Variants in RTN1 observed in about 807,000 individuals in gnomAD.
RTN1 encodes reticulon 1.
A neutral mutation model predicts 65.5 loss-of-function variants in RTN1; 25 were observed. The observed-to-expected ratio is 0.38, with a 90% confidence interval of 0.28 to 0.53. RTN1 has a LOEUF of 0.53. RTN1 is among the 20% of genes least tolerant of loss of function. RTN1 has a pLI of 0.79. For synonymous variants in RTN1, 471 were observed against 447.6 expected, an observed-to-expected ratio of 1.05 and a Z score of -0.66; for missense variants, 983 against 1,025.4, an observed-to-expected ratio of 0.96 and a Z score of 0.57.
At chr14:59,670,563 T>C (rs1038572596) in intron 3 of RTN1, among the ~76,000 whole-genome samples, 7 of 152,212 alleles carry the variant, frequency 4.6e-5, no homozygotes, top group Non-Finnish European at 1.0e-4. Flanking sequence ...GACCTAAATA[T>C]ATTCAGAAAA....
intron 1 of RTN1, among the ~76,000 whole-genome samples, chr14:59,789,243 T>C (rs1449654748): frequency 6.6e-6 from 1 of 152,120 alleles, no homozygotes; most frequent in Non-Finnish European, 1.5e-5. Flanking sequence ...TTCTTTGGTC[T>C]AAGTACATTT....
intron 1 of RTN1, among the ~76,000 whole-genome samples, chr14:59,787,840 G>A (rs1023592728): frequency 4.6e-5 from 7 of 152,066 alleles, no homozygotes; most frequent in East Asian, 1.9e-4. Context: ...TCTCCCTTCC[G>A]AGTCCCCATC....
At chr14:59,851,283 A>G (rs1887501883) in intron 1 of RTN1, among the ~76,000 whole-genome samples, 1 of 152,196 alleles carries the variant, frequency 6.6e-6, no homozygotes, top group Non-Finnish European at 1.5e-5. Context: ...TTAAAGGTTG[A>G]CCTTGATGTC....
At chr14:59,749,851 A>G (rs1220226768) in intron 1 of RTN1, among the ~76,000 whole-genome samples, 1 of 114,426 alleles carries the variant, frequency 8.7e-6, no homozygotes, top group East Asian at 2.2e-4. Flanking sequence ...ATTTATATAT[A>G]TATCTATATG....
chr14:59,817,643 TA>T (rs888948332), intron 1 of RTN1, among the ~76,000 whole-genome samples: 4 of 151,708 alleles, frequency 2.6e-5, no homozygotes, highest in Non-Finnish European at 4.4e-5. Context: ...TTTTTTTTTT[TA>T]AGAAAGATTT....
chr14:59,746,162 G>A lies in RTN1; in HGVS notation c.561C>T (p.Asp187=), dbSNP rs756250696. The A allele has an allele frequency of 8.1e-6, 13 of 1,606,570 alleles. No homozygotes were observed. Among genetic ancestry groups the A allele is most frequent in the South Asian group, 5.6e-5 (5 of 89,530 alleles). Reference sequence around the variant, plus strand: ...ATTTATAGGCCTCTGCTTTCATCTGGTCCAGAGGGTCTGCTAAGATCTTGT... The same window carrying A: ...ATTTATAGGCCTCTGCTTTCATCTGATCCAGAGGGTCTGCTAAGATCTTGT... ...EVNKILADPL[D]QMKAEAYKYI... Residue 187 remains aspartate, a synonymous_variant, in exon 2 of 9, where the codon GAC becomes GAT. Transcript: ENST00000267484.
At chr14:59,815,724 G>C (rs1886808478) in intron 1 of RTN1, among the ~76,000 whole-genome samples, 1 of 152,088 alleles carries the variant, frequency 6.6e-6, no homozygotes, top group African/African-American at 2.4e-5. Context: ...TGTCCTGTTG[G>C]AGAACTGATT....
chr14:59,604,705 C>G (rs1238496041), intron 5 of RTN1: 1 of 152,254 alleles, frequency 6.6e-6, no homozygotes, highest in Non-Finnish European at 1.5e-5. Flanking sequence ...TGTGAGAGCA[C>G]AGAAACTTCA....
Position 59,759,557 on chromosome 14 carries a change from C to T in RTN1, c.242-13076G>A, listed in dbSNP as rs538119279. On this transcript the variant is annotated intron_variant, in intron 1 of 8. Coordinates refer to ENST00000267484, the MANE Select transcript of RTN1 (RefSeq NM_021136.3). ...TGAACCCCCAAATATCTCACTGTTG[C>T]TTCCAGGCTTTAGTCCCGGTTTCGT... Among the ~76,000 whole-genome samples, 7 of 152,242 alleles carry T rather than the reference C, an allele frequency of 4.6e-5. No homozygotes were observed. The South Asian group carries it at 1.5e-3, about 32-fold the overall frequency.
chr14:59,827,690 G>A (rs899955777), intron 1 of RTN1, among the ~76,000 whole-genome samples: 3 of 152,202 alleles, frequency 2.0e-5, no homozygotes, highest in South Asian at 2.1e-4. Context: ...TAATTAGCTC[G>A]GCCTCCTCAA....
At chr14:59,752,027 GCTCCA>G (rs1885532943) in intron 1 of RTN1, among the ~76,000 whole-genome samples, 1 of 152,038 alleles carries the variant, frequency 6.6e-6, no homozygotes, top group South Asian at 2.1e-4. Context: ...CAAATTCTAA[GCTCCA>G]CTAATATAAA....
intron 2 of RTN1, among the ~76,000 whole-genome samples, chr14:59,728,672 T>C (rs1223868612): frequency 1.3e-5 from 2 of 152,182 alleles, no homozygotes; most frequent in African/African-American, 4.8e-5. Flanking sequence ...ACTAGTTGCA[T>C]TTATCCAAAG....
intron 3 of RTN1, among the ~76,000 whole-genome samples, chr14:59,704,139 C>G (rs991105419): frequency 6.6e-6 from 1 of 152,114 alleles, no homozygotes; most frequent in Non-Finnish European, 1.5e-5. Context: ...CACTGAGAGT[C>G]TGATGAAAGT....
intron 1 of RTN1, among the ~76,000 whole-genome samples, chr14:59,782,290 G>T (rs1886170100): frequency 6.6e-6 from 1 of 152,146 alleles, no homozygotes; most frequent in African/African-American, 2.4e-5. Flanking sequence ...TAGACTCACA[G>T]AAAAGTGGGT....
At chr14:59,672,022 G>C (rs1437542186) in intron 3 of RTN1, among the ~76,000 whole-genome samples, 1 of 152,174 alleles carries the variant, frequency 6.6e-6, no homozygotes, top group Non-Finnish European at 1.5e-5. Context: ...ACAATTAGTA[G>C]GAAGCACAAA....
Position 59,727,466 on chromosome 14 carries a change from C to T in RTN1, c.1218G>A (p.Ala406=), listed in dbSNP as rs115497853. 5.1e-4 allele frequency: 805 copies of T among 1,568,242 alleles called. 5 individuals carry two copies. In the African/African-American group the frequency reaches 9.9e-3, roughly 19 times the overall value. Residue 406 remains alanine (A), a synonymous_variant, in exon 3 of 9, where the codon GCG becomes GCA. Coordinates refer to ENST00000267484, the MANE Select transcript of RTN1 (RefSeq NM_021136.3). The surrounding 1 kb of genome is among the most constrained non-coding windows in gnomAD (Gnocchi z 4.2). ...GCTCGATCTCTGAGTCCCCCGACTC[C>T]GCGCTGCTGGCCTCGTGGTCCAGGG... ...PSPLDHEASS[A]ESGDSEIELV...
intron 3 of RTN1, among the ~76,000 whole-genome samples, chr14:59,617,141 C>T (rs931607143): frequency 6.6e-5 from 10 of 152,202 alleles, no homozygotes; most frequent in East Asian, 1.9e-4. Context: ...TGAAATGGCA[C>T]GCTTCCTTTA....
At chr14:59,820,379 T>G (rs1490352483) in intron 1 of RTN1, among the ~76,000 whole-genome samples, 9 of 137,914 alleles carry the variant, frequency 6.5e-5, no homozygotes, top group Non-Finnish European at 1.1e-4. Flanking sequence ...TTTTTTTTTT[T>G]GCTGTGCAGA....
chr14:59,801,685 A>T (rs1209337723), intron 1 of RTN1, among the ~76,000 whole-genome samples: 1 of 152,216 alleles, frequency 6.6e-6, no homozygotes, highest in Non-Finnish European at 1.5e-5. Context: ...AAGGAACAAT[A>T]GCAAGACTGT....
Sources: gnomAD v4.1 joint callset for allele counts (sites outside exome capture counted in the v4.1 genomes callset) on GRCh38, gnomAD v4.1.1 for gene constraint, Gnocchi (gnomAD v3.1) non-coding constraint, MANE v1.5 for transcripts, NCBI Gene and HGNC (gene_info 2026-07-23, HGNC 2026-07-21) for gene names.